CDC25C: variants seen among roughly 807,000 people sequenced by gnomAD.
CDC25C encodes the protein M-phase inducer phosphatase 3.
CDC25C carries 48 observed loss-of-function variants against 52.5 expected under a neutral mutation model. The observed-to-expected ratio is 0.91, with a 90% CI of 0.72 to 1.16. The LOEUF (loss-of-function observed/expected upper bound fraction) is 1.16, where lower values mean the gene tolerates loss of function less well. Among genes scored for constraint, CDC25C ranks in the 50% most tolerant of loss-of-function variants. CDC25C has a pLI of 0.00. For missense variants in CDC25C, 510 were observed against 566.1 expected (o/e 0.90, Z 1.01); for synonymous variants, 187 against 206.5 (o/e 0.91, Z 0.81).
exon 1 of CDC25C, chr5:138,338,267 G>C (rs1018688017): frequency 1.4e-5 from 14 of 992,332 alleles, no homozygotes; most frequent in Admixed American, 1.2e-4. Context: ...CGAGCGCTCA[G>C]AGCTGCTCCG....
intron 7 of CDC25C, among the ~76,000 whole-genome samples, chr5:138,293,347 A>G (rs1285766693): frequency 6.6e-6 from 1 of 152,226 alleles, no homozygotes; most frequent in African/African-American, 2.4e-5. Context: ...ATAATTAGGC[A>G]GTAGCAGAAG....
rs11568001 is a variant in CDC25C at position 138,288,676 on chromosome 5, G to A, written c.927+825C>T. On this transcript the variant is annotated intron_variant, in intron 10 of 13. Transcript: ENST00000323760. ...CATTGCACTCCAGCCTGGGCAACAA[G>A]AGCGAAACTCCATGTCTAAAAATAA... Among the ~76,000 whole-genome samples the A allele has an allele frequency of 3.8e-3, 573 of 152,230 alleles. 1 individual carries two copies. Among genetic ancestry groups the A allele is most frequent in the African/African-American group, 0.013 (549 of 41,556 alleles).
chr5:138,318,402 C>T lies in CDC25C; in HGVS notation c.615+817G>A, dbSNP rs183631089. 3.9e-3 allele frequency among the ~76,000 whole-genome samples: 599 copies of T among 152,192 alleles called. 3 individuals are homozygous for T. The highest frequency in any genetic ancestry group is 0.014 in the African/African-American group (579 of 41,528). ...AGTAGAGTGACTCATACATATCAGG[C>T]ATAAAATGTTTATTCAAGAATGAAT... On this transcript the variant is annotated intron_variant, in intron 7 of 13. Coordinates refer to ENST00000323760, the MANE Select transcript of CDC25C (RefSeq NM_001790.5).
At chr5:138,292,724 C>T (rs2126667766) in intron 7 of CDC25C, among the ~76,000 whole-genome samples, 1 of 152,226 alleles carries the variant, frequency 6.6e-6, no homozygotes, top group South Asian at 2.1e-4. Flanking sequence ...GAAGAACTAG[C>T]CTTGAGAATT....
intron 6 of CDC25C, among the ~76,000 whole-genome samples, chr5:138,320,585 T>C (rs1277045521): frequency 6.6e-6 from 1 of 151,998 alleles, no homozygotes; most frequent in Non-Finnish European, 1.5e-5. Flanking sequence ...TATGGGAGGC[T>C]GAAGCAGATG....
At chr5:138,338,094 T>C in exon 1 of CDC25C, 1 of 1,289,650 alleles carries the variant, frequency 7.8e-7, no homozygotes, top group Non-Finnish European at 1.0e-6. Context: ...CCAGGCTCGT[T>C]CCCAACAGCG....
intron 7 of CDC25C, among the ~76,000 whole-genome samples, chr5:138,298,258 C>G (rs1454267439): frequency 6.6e-6 from 1 of 151,656 alleles, no homozygotes; most frequent in East Asian, 1.9e-4. Flanking sequence ...GCCTTAGCCT[C>G]CCAAAGTGCT....
In CDC25C at chr5:138,331,111, T is replaced by C; in HGVS notation, c.70A>G (p.Asn24Asp). The change falls in exon 2 of 14, where the codon AAT (asparagine) becomes GAT (aspartate). Residue 24 changes from asparagine (N) to aspartate (D), a missense_variant. Coordinates refer to ENST00000323760, the MANE Select transcript of CDC25C (RefSeq NM_001790.5). The stretch of plus-strand genomic sequence containing the variant: ...AGCAGGTTTAACATTTTCCTTTGAT[T>C]AGACCTAAAACTGGGTCCTGAGCCA... ...SSGSGPSFRS[N>D]QRKMLNLLLE... 1 of 1,614,008 alleles carries C rather than the reference T, an allele frequency of 6.2e-7. No homozygotes were observed. Among genetic ancestry groups the C allele is most frequent in the Non-Finnish European group, 8.5e-7 (1 of 1,179,838 alleles).
rs765464033 is a variant in CDC25C at position 138,292,000 on chromosome 5, C to CT, written c.731dup (p.Tyr245ValfsTer22). 2.5e-5 allele frequency: 41 copies of CT among 1,608,158 alleles called. No homozygotes were observed. The highest frequency in any genetic ancestry group is 4.0e-5 in the African/African-American group (3 of 74,626). ...TGAGCTTTCCTTGGCCAGAAAAATA[C>CT]TTTTTTTTAACTTTATCTGGTATTG... On this transcript the variant is annotated frameshift_variant, in exon 8 of 14. Coordinates refer to ENST00000323760, the MANE Select transcript of CDC25C (RefSeq NM_001790.5). LOFTEE classifies it high-confidence loss of function.
chr5:138,313,995 C>CTTTCTTTCTTTTTT, intron 7 of CDC25C, among the ~76,000 whole-genome samples: 1 of 112,676 alleles, frequency 8.9e-6, no homozygotes, highest in Non-Finnish European at 1.8e-5. Context: ...TTCTTTCTTT[C>CTTTCTTTCTTTTTT]TTTTTTTTTT....
At chr5:138,294,633 T>C (rs1757034542) in intron 7 of CDC25C, among the ~76,000 whole-genome samples, 1 of 151,224 alleles carries the variant, frequency 6.6e-6, no homozygotes, top group South Asian at 2.1e-4. Flanking sequence ...GCCTCCTGAG[T>C]AGCTGGGACT....
intron 2 of CDC25C, 75 bp from the exon 3 acceptor site, chr5:138,329,722 T>C: frequency 3.6e-6 from 2 of 557,736 alleles, no homozygotes; most frequent in Non-Finnish European, 6.1e-6. Flanking sequence ...CATGTCATCC[T>C]CTTCTTTTTT....
chr5:138,295,085 C>CA (rs1375202403), intron 7 of CDC25C, among the ~76,000 whole-genome samples: 1 of 152,182 alleles, frequency 6.6e-6, no homozygotes, highest in African/African-American at 2.4e-5. Flanking sequence ...TGCTCCAGCA[C>CA]AATTTGTTAA....
At chr5:138,319,077 A>G in intron 7 of CDC25C, 142 bp downstream of exon 7, 2 of 662,392 alleles carry the variant, frequency 3.0e-6, no homozygotes, top group Non-Finnish European at 5.1e-6. Flanking sequence ...TTTACTGAAC[A>G]TGTTCTGGCT....
intron 7 of CDC25C, among the ~76,000 whole-genome samples, chr5:138,307,599 TA>T (rs1561692675): frequency 6.6e-6 from 1 of 151,918 alleles, no homozygotes; most frequent in Non-Finnish European, 1.5e-5. Context: ...AGGACAATTT[TA>T]AAACATTTTT....
intron 7 of CDC25C, among the ~76,000 whole-genome samples, chr5:138,297,045 G>A (rs1271963584): frequency 6.6e-6 from 1 of 150,482 alleles, no homozygotes; most frequent in Non-Finnish European, 1.5e-5. Context: ...CAAGTAGCTG[G>A]GACTACAGGC....
intron 7 of CDC25C, among the ~76,000 whole-genome samples, chr5:138,293,835 G>T (rs541639440): frequency 7.3e-5 from 11 of 151,538 alleles, no homozygotes; most frequent in African/African-American, 2.7e-4. Flanking sequence ...TTTATAGAGA[G>T]AGGGTTTTAC....
chr5:138,333,905 T>C (rs1760557321), upstream of CDC25C, among the ~76,000 whole-genome samples: 1 of 151,996 alleles, frequency 6.6e-6, no homozygotes, highest in African/African-American at 2.4e-5. Context: ...CTGAGATTTC[T>C]CAAATGGAAC....
chr5:138,290,803 G>T, intron 8 of CDC25C, 63 bp from the exon 9 acceptor site: 2 of 992,584 alleles, frequency 2.0e-6, no homozygotes, highest in Non-Finnish European at 1.6e-6. Flanking sequence ...AAAACCAGTG[G>T]ATGGAGTGGG....
Sources: allele counts gnomAD v4.1 joint callset (sites outside exome capture counted in the v4.1 genomes callset), GRCh38; gene constraint gnomAD v4.1.1; transcripts MANE v1.5; gene names NCBI Gene and HGNC (gene_info 2026-07-23, HGNC 2026-07-21).